IGF2BP2: variants seen among roughly 807,000 people sequenced by gnomAD.
The protein encoded by IGF2BP2 is insulin like growth factor 2 mRNA binding protein 2.
IGF2BP2 carries 17 observed loss-of-function variants against 75.8 expected under a neutral mutation model. The observed-to-expected ratio is 0.22, with a 90% confidence interval of 0.15 to 0.34. IGF2BP2 has a LOEUF of 0.34. Among genes scored for constraint, IGF2BP2 ranks in the 10% least tolerant of loss-of-function variants. The pLI is 1.00. For synonymous variants in IGF2BP2, 288 were observed against 295.6 expected, an observed-to-expected ratio of 0.97 and a Z score of 0.26; for missense variants, 516 against 772.4, an observed-to-expected ratio of 0.67 and a Z score of 3.93.
chr3:185,692,954 AT>A (rs1322437433), intron 4 of IGF2BP2, among the ~76,000 whole-genome samples, 192 bp from the exon 5 acceptor site: 4 of 152,264 alleles, frequency 2.6e-5, no homozygotes, highest in Non-Finnish European at 5.9e-5. Flanking sequence ...CACGTTTGTA[AT>A]CAATCGTATG....
chr3:185,800,095 A>G (rs996738682), intron 2 of IGF2BP2, among the ~76,000 whole-genome samples: 18 of 152,158 alleles, frequency 1.2e-4, no homozygotes, highest in Non-Finnish European at 2.2e-4. Flanking sequence ...ATACTATGCA[A>G]CCATAAAAAG....
At chr3:185,800,404 T>A (rs1309306644) in intron 2 of IGF2BP2, among the ~76,000 whole-genome samples, 1 of 152,054 alleles carries the variant, frequency 6.6e-6, no homozygotes, top group African/African-American at 2.4e-5. Context: ...ATTGTGCACA[T>A]GTACCCTAGA....
At chr3:185,760,954 G>C (rs916529018) in intron 2 of IGF2BP2, among the ~76,000 whole-genome samples, 1 of 151,852 alleles carries the variant, frequency 6.6e-6, no homozygotes, top group African/African-American at 2.4e-5. Flanking sequence ...TTGTTCATTT[G>C]CATTTTTCTT....
intron 2 of IGF2BP2, among the ~76,000 whole-genome samples, chr3:185,760,506 A>G (rs1471169238): frequency 6.6e-6 from 1 of 152,186 alleles, no homozygotes; most frequent in Non-Finnish European, 1.5e-5. Flanking sequence ...CATTTCTATT[A>G]ACCCAAAAAG....
At chr3:185,784,902 A>T (rs1161856119) in intron 2 of IGF2BP2, among the ~76,000 whole-genome samples, 6 of 152,240 alleles carry the variant, frequency 3.9e-5, no homozygotes, top group African/African-American at 1.4e-4. Flanking sequence ...AGGATGACCT[A>T]AATTCCTGAC....
intron 14 of IGF2BP2, among the ~76,000 whole-genome samples, chr3:185,648,138 T>C (rs1286753792): frequency 6.6e-6 from 1 of 152,208 alleles, no homozygotes; most frequent in Non-Finnish European, 1.5e-5. Context: ...TGGTTTTGAA[T>C]TCCGTTTAAG....
At chr3:185,698,692 G>A (rs1722906316) in intron 2 of IGF2BP2, among the ~76,000 whole-genome samples, 1 of 151,894 alleles carries the variant, frequency 6.6e-6, no homozygotes, top group African/African-American at 2.4e-5. Flanking sequence ...GCAGTGGCAC[G>A]ATCTTGGCTC....
chr3:185,713,899 C>G (rs1044675830), intron 2 of IGF2BP2, among the ~76,000 whole-genome samples: 1 of 152,200 alleles, frequency 6.6e-6, no homozygotes, highest in Non-Finnish European at 1.5e-5. Flanking sequence ...TGGGGTTTCA[C>G]CATGTTGGCC....
intron 2 of IGF2BP2, chr3:185,717,258 C>T (rs1209762794): frequency 5.9e-6 from 1 of 169,884 alleles, no homozygotes; most frequent in Non-Finnish European, 1.3e-5. Context: ...GGCCACCACC[C>T]AGATACGTGA....
chr3:185,662,544 T>C (rs1211640452), intron 10 of IGF2BP2, among the ~76,000 whole-genome samples: 1 of 110,260 alleles, frequency 9.1e-6, no homozygotes, highest in African/African-American at 4.1e-5. Context: ...CTTCCCATAC[T>C]TTTTTTTTTT....
chr3:185,655,712 C>T (rs2149085914), intron 12 of IGF2BP2, among the ~76,000 whole-genome samples: 1 of 152,316 alleles, frequency 6.6e-6, no homozygotes, highest in South Asian at 2.1e-4. Flanking sequence ...TGCGACTGAT[C>T]TCTTCTTTTC....
chr3:185,677,044 GATATATAT>G (rs1164588813), intron 7 of IGF2BP2, among the ~76,000 whole-genome samples: 467 of 23,874 alleles, frequency 0.02, 38 homozygotes, highest in Admixed American at 0.041. Flanking sequence ...TATATATGGA[GATATATAT>G]ATATATATAT....
intron 2 of IGF2BP2, among the ~76,000 whole-genome samples, chr3:185,818,435 G>T (rs6444082): frequency 0.39 from 58,856 of 151,992 alleles, 14,345 homozygotes; most frequent in African/African-American, 0.7. Context: ...TCACTGCACT[G>T]GATTCCCTTT....
intron 2 of IGF2BP2, among the ~76,000 whole-genome samples, chr3:185,720,907 A>G (rs1039335428): frequency 2.0e-5 from 3 of 152,224 alleles, no homozygotes; most frequent in Non-Finnish European, 2.9e-5. Context: ...AGTCAACTCC[A>G]TTACAGTGCA....
chr3:185,696,347 T>C (rs1722576023), intron 4 of IGF2BP2: 1 of 418,820 alleles, frequency 2.4e-6, no homozygotes, highest in Non-Finnish European at 4.2e-6. Flanking sequence ...CGTTTGTCAG[T>C]GCTTGAGCAC....
At chr3:185,669,636 C>A (rs1169031907) in intron 10 of IGF2BP2, among the ~76,000 whole-genome samples, 2 of 151,420 alleles carry the variant, frequency 1.3e-5, no homozygotes, top group Non-Finnish European at 2.9e-5. Context: ...GTTCGGAAAC[C>A]AACCTAGGTG....
At chr3:185,676,007 C>A in intron 7 of IGF2BP2, 94 bp from the exon 8 acceptor site, 3 of 1,488,364 alleles carry the variant, frequency 2.0e-6, no homozygotes, top group South Asian at 1.3e-5. Flanking sequence ...AAATGGAAGT[C>A]ATTTTGTTCA....
At chr3:185,670,632 G>A (rs944897781) in intron 10 of IGF2BP2, among the ~76,000 whole-genome samples, 2 of 152,032 alleles carry the variant, frequency 1.3e-5, no homozygotes, top group Non-Finnish European at 2.9e-5. Context: ...GCAGTGCCAC[G>A]ATCTCAGCTC....
At chr3:185,749,826 A>G (rs1180066432) in intron 2 of IGF2BP2, among the ~76,000 whole-genome samples, 5 of 152,240 alleles carry the variant, frequency 3.3e-5, no homozygotes, top group Non-Finnish European at 7.3e-5. Context: ...CCAAGCCAAG[A>G]GCATGAATTA....
Sources: gnomAD v4.1 joint callset for allele counts (sites outside exome capture counted in the v4.1 genomes callset) on GRCh38, gnomAD v4.1.1 for gene constraint, MANE v1.5 for transcripts, NCBI Gene and HGNC (gene_info 2026-07-23, HGNC 2026-07-21) for gene names.